GSTA5: variants seen among roughly 807,000 people sequenced by gnomAD.
GSTA5 encodes the protein glutathione S-transferase alpha 5, also known as glutathione S-transferase A5.
Under a neutral mutation model 21.8 loss-of-function variants are expected in GSTA5, and 25 were observed. That is an observed-to-expected ratio of 1.14 (90% confidence interval 0.83 to 1.60). The LOEUF is 1.60. GSTA5 is among the 40% of genes most tolerant of loss of function. The pLI is 0.00. For missense variants in GSTA5, 330 were observed against 259.2 expected, an observed-to-expected ratio of 1.27 and a Z score of -1.88; for synonymous variants, 102 against 89.5, an observed-to-expected ratio of 1.14 and a Z score of -0.78.
At chr6:52,834,925 C>T (rs1477552277) in intron 3 of GSTA5, among the ~76,000 whole-genome samples, 3 of 152,172 alleles carry the variant, frequency 2.0e-5, no homozygotes, top group African/African-American at 4.8e-5. Context: ...GTGAAATTCT[C>T]TATACAATTA....
chr6:52,832,119 G>A, intron 5 of GSTA5, 149 bp from the exon 6 acceptor site: 2 of 1,135,150 alleles, frequency 1.8e-6, no homozygotes, highest in Non-Finnish European at 2.4e-6. Context: ...CACCCAGTGA[G>A]AAATGAAGAT....
chr6:52,836,170 C>T (rs1295261353), intron 3 of GSTA5, 66 bp downstream of exon 3: 6 of 1,569,672 alleles, frequency 3.8e-6, no homozygotes, highest in Admixed American at 1.7e-5. Flanking sequence ...TGGTCCCACC[C>T]ACTCAAAGAA....
intron 1 of GSTA5, among the ~76,000 whole-genome samples, chr6:52,838,968 T>C (rs4715353): frequency 0.61 from 93,274 of 152,040 alleles, 29,122 homozygotes; most frequent in East Asian, 0.87. Flanking sequence ...TTTAATGGAG[T>C]TCTTTATGGT....
chr6:52,838,909 C>T (rs1181188146), intron 1 of GSTA5, among the ~76,000 whole-genome samples: 1 of 152,196 alleles, frequency 6.6e-6, no homozygotes, highest in Non-Finnish European at 1.5e-5. Flanking sequence ...GCCTGACCCA[C>T]ATACATCAAG....
chr6:52,838,110 T>C (rs1431966557), intron 1 of GSTA5, among the ~76,000 whole-genome samples: 1 of 152,262 alleles, frequency 6.6e-6, no homozygotes, highest in Non-Finnish European at 1.5e-5. Flanking sequence ...TTGCAGCTGT[T>C]GCACAGCTTT....
At chr6:52,834,268 G>C in exon 4 of GSTA5, 12 of 1,613,456 alleles carry the variant, frequency 7.4e-6, no homozygotes, top group Non-Finnish European at 9.3e-6. Context: ...TATACCTTCT[G>C]TGTACATATC....
At chr6:52,845,682 A>G (rs1215577888), upstream of GSTA5, among the ~76,000 whole-genome samples, 1 of 152,214 alleles carries the variant, frequency 6.6e-6, no homozygotes, top group Non-Finnish European at 1.5e-5. Flanking sequence ...CAGGATCACA[A>G]CTTACAACAA....
chr6:52,844,966 G>A (rs547417328), upstream of GSTA5, among the ~76,000 whole-genome samples: 47 of 151,816 alleles, frequency 3.1e-4, 1 homozygote, highest in South Asian at 8.1e-3. Context: ...TCTATCAATC[G>A]TTCTATGCAT....
chr6:52,841,343 G>T (rs575673138), upstream of GSTA5, among the ~76,000 whole-genome samples: 1 of 152,288 alleles, frequency 6.6e-6, no homozygotes, highest in African/African-American at 2.4e-5. Context: ...ATGAAGTCAC[G>T]CCTGGAAGAC....
intron 2 of GSTA5, 138 bp from the exon 3 acceptor site, chr6:52,836,506 A>G (rs564749648): frequency 1.1e-6 from 1 of 871,420 alleles, no homozygotes; most frequent in Admixed American, 2.6e-5. Context: ...ACTTGAAACA[A>G]CTTTTTTCCT....
chr6:52,832,806 G>C (rs1764235347), intron 5 of GSTA5, 53 bp downstream of exon 5: 54 of 1,611,368 alleles, frequency 3.4e-5, no homozygotes, highest in Non-Finnish European at 4.4e-5. Flanking sequence ...CCAGATATGA[G>C]ATCCCAATAT....
upstream of GSTA5, among the ~76,000 whole-genome samples, chr6:52,845,119 C>T (rs1045387192): frequency 1.3e-5 from 2 of 152,026 alleles, no homozygotes; most frequent in African/African-American, 4.8e-5. Context: ...TGGTGGCTCT[C>T]TGTTTCTCTC....
intron 1 of GSTA5, among the ~76,000 whole-genome samples, chr6:52,838,589 C>G (rs915437323): frequency 6.6e-6 from 1 of 152,224 alleles, no homozygotes; most frequent in Non-Finnish European, 1.5e-5. Context: ...AAGGCTGTCT[C>G]AATCTGACCA....
Position 52,838,447 on chromosome 6 carries a change from G to C in GSTA5, c.88-838C>G, listed in dbSNP as rs528001748. Among the ~76,000 whole-genome samples, 231 of 152,300 alleles carry C rather than the reference G, an allele frequency of 1.5e-3. 1 individual carries two copies. Among genetic ancestry groups the C allele is most frequent in the African/African-American group, 5.3e-3 (220 of 41,568 alleles). ...AGTAGCAGGTGTATAGTAACTGCTC[G>C]TTAAATATAAGTTATGTTTAGAATT... On this transcript the variant is annotated intron_variant, in intron 1 of 5. Coordinates refer to ENST00000370989, the Ensembl canonical transcript of GSTA5.
upstream of GSTA5, among the ~76,000 whole-genome samples, chr6:52,842,461 C>G (rs1764391613): frequency 7.5e-6 from 1 of 133,156 alleles, no homozygotes; most frequent in Non-Finnish European, 1.5e-5. Context: ...GGCTAGAGTG[C>G]TATGGTGCAA....
At chr6:52,842,217 A>G (rs1033274764), upstream of GSTA5, among the ~76,000 whole-genome samples, 8 of 152,154 alleles carry the variant, frequency 5.3e-5, no homozygotes, top group African/African-American at 1.9e-4. Context: ...AACTAATTGT[A>G]TCATGAATGT....
At chr6:52,836,153 C>T (rs1764288704) in intron 3 of GSTA5, 83 bp downstream of exon 3, 8 of 1,486,072 alleles carry the variant, frequency 5.4e-6, no homozygotes, top group South Asian at 4.8e-5. Flanking sequence ...GTCATGATGC[C>T]CTGCCATGGT....
upstream of GSTA5, among the ~76,000 whole-genome samples, chr6:52,844,940 A>T (rs543056201): frequency 5.3e-5 from 8 of 152,162 alleles, no homozygotes; most frequent in East Asian, 1.4e-3. Flanking sequence ...TACCCATCCA[A>T]GTATGTATTA....
At chr6:52,833,733 C>A (rs889791974) in intron 4 of GSTA5, among the ~76,000 whole-genome samples, 1 of 152,172 alleles carries the variant, frequency 6.6e-6, no homozygotes, top group Non-Finnish European at 1.5e-5. Context: ...CAATTGGTTT[C>A]CTGTCTTCCT....
Sources: allele counts gnomAD v4.1 joint callset (sites outside exome capture counted in the v4.1 genomes callset), GRCh38; gene constraint gnomAD v4.1.1; transcripts MANE v1.5; gene names NCBI Gene and HGNC (gene_info 2026-07-23, HGNC 2026-07-21).